PIR: variants seen among roughly 807,000 people sequenced by gnomAD.
PIR encodes pirin.
In PIR, 22 loss-of-function variants were observed where a neutral mutation model predicts 24.2. That is an observed-to-expected ratio of 0.91 (90% CI 0.65 to 1.30). PIR has a LOEUF of 1.30. Among genes scored for constraint, PIR ranks in the 50% most tolerant of loss-of-function variants. The pLI, the probability that PIR is intolerant of heterozygous loss-of-function variation, is 0.00. For missense variants in PIR, 220 were observed against 220.3 expected (o/e 1.00, Z 0.01); for synonymous variants, 80 against 79.6 (o/e 1.00, Z -0.03).
At chrX:15,387,481 T>C (rs1405993828) in intron 9 of PIR, among the ~76,000 whole-genome samples, 1 of 111,237 alleles carries the variant, frequency 9.0e-6, no homozygotes, top group Non-Finnish European at 1.9e-5. Flanking sequence ...GTTGAAACTA[T>C]GGATCTGGAG....
At chrX:15,448,740 G>A (rs1433089030) in intron 5 of PIR, among the ~76,000 whole-genome samples, 2 of 111,777 alleles carry the variant, frequency 1.8e-5, no homozygotes, top group Non-Finnish European at 3.8e-5. Context: ...TACTATCCAA[G>A]TCTTTATACA....
At chrX:15,431,687 C>T (rs1276538267) in intron 5 of PIR, among the ~76,000 whole-genome samples, 1 of 77,657 alleles carries the variant, frequency 1.3e-5, no homozygotes, top group Non-Finnish European at 2.4e-5. Context: ...CCCCCGAAAA[C>T]CTTTGGAAAA....
intron 6 of PIR, among the ~76,000 whole-genome samples, chrX:15,414,624 A>G (rs1449503261): frequency 8.9e-6 from 1 of 111,999 alleles, no homozygotes; most frequent in Non-Finnish European, 1.9e-5. Flanking sequence ...ATTAGCAGGG[A>G]AAGTCATAAA....
chrX:15,440,614 C>T (rs1185746490), intron 5 of PIR, among the ~76,000 whole-genome samples: 1 of 111,648 alleles, frequency 9.0e-6, no homozygotes, highest in Non-Finnish European at 1.9e-5. Context: ...TTCTTCCCAT[C>T]CTTGCCAGCA....
intron 3 of PIR, chrX:15,478,689 G>C (rs1000016434): frequency 1.8e-5 from 2 of 111,419 alleles, no homozygotes; most frequent in Non-Finnish European, 3.8e-5. Context: ...CACTGTGGTG[G>C]TGCCCTTTCC....
intron 6 of PIR, among the ~76,000 whole-genome samples, chrX:15,412,569 C>A (rs1017015661): frequency 8.9e-6 from 1 of 111,896 alleles, no homozygotes; most frequent in African/African-American, 3.2e-5. Flanking sequence ...TTTCTACACG[C>A]GTAAATTGCA....
At chrX:15,479,947 T>A in intron 2 of PIR, 126 bp from the exon 3 acceptor site, 1 of 347,027 alleles carries the variant, frequency 2.9e-6, no homozygotes, top group South Asian at 8.9e-5. Flanking sequence ...CTTTTTACAA[T>A]GAAAATTGCT....
intron 6 of PIR, among the ~76,000 whole-genome samples, chrX:15,424,481 T>A (rs1259968911): frequency 8.9e-6 from 1 of 111,902 alleles, no homozygotes; most frequent in Admixed American, 9.5e-5. Context: ...GATCTGGTGT[T>A]TGATAGATCA....
intron 6 of PIR, among the ~76,000 whole-genome samples, chrX:15,408,651 G>C (rs929068933): frequency 9.0e-6 from 1 of 111,562 alleles, no homozygotes; most frequent in African/African-American, 3.3e-5. Flanking sequence ...ACCTAGAAAA[G>C]GCACAGTCGA....
intron 8 of PIR, among the ~76,000 whole-genome samples, chrX:15,390,865 G>C: frequency 9.0e-6 from 1 of 111,479 alleles, no homozygotes; most frequent in East Asian, 2.8e-4. Flanking sequence ...TCCAGTGCTA[G>C]TATGGATACA....
intron 3 of PIR, among the ~76,000 whole-genome samples, chrX:15,473,386 AC>A (rs778213417): frequency 9.8e-5 from 11 of 111,867 alleles, no homozygotes; most frequent in Admixed American, 1.9e-4. Context: ...GTTAAAAAAA[AC>A]AATCTAAACA....
chrX:15,460,510 T>G (rs183123377), intron 3 of PIR, among the ~76,000 whole-genome samples: 2 of 111,400 alleles, frequency 1.8e-5, no homozygotes, highest in African/African-American at 6.5e-5. Flanking sequence ...TACTGCATGA[T>G]CTCACATAAA....
chrX:15,431,458 C>G (rs1238576453), intron 5 of PIR, among the ~76,000 whole-genome samples: 2 of 111,576 alleles, frequency 1.8e-5, no homozygotes, highest in Non-Finnish European at 3.8e-5. Context: ...CTGCTAGTCA[C>G]TGCTTTTCCT....
Position 15,417,689 on chromosome X carries a change from T to G in PIR, c.565+8217A>C, listed in dbSNP as rs145105794. Among the ~76,000 whole-genome samples the G allele has an allele frequency of 5.9e-3, 662 of 111,713 alleles. 5 individuals carry two copies. The highest frequency in any genetic ancestry group is 0.02 in the African/African-American group (620 of 30,766). On this transcript the variant is annotated intron_variant, in intron 6 of 9. Coordinates refer to ENST00000380420, the MANE Select transcript of PIR (RefSeq NM_001018109.3). ...CTTCCTGGAGGCTGTAGGGGGACATTTGTTTTCTTGCCTTTTTCAACTTCT... is the reference window on the plus strand; with the variant it reads ...CTTCCTGGAGGCTGTAGGGGGACATGTGTTTTCTTGCCTTTTTCAACTTCT...
chrX:15,398,665 GGA>G (rs1197431741), intron 7 of PIR, among the ~76,000 whole-genome samples: 58 of 36,376 alleles, frequency 1.6e-3, no homozygotes, highest in South Asian at 2.8e-3. Context: ...CCTTGAGGAG[GGA>G]GGGTGTGTGT....
intron 8 of PIR, among the ~76,000 whole-genome samples, chrX:15,393,487 A>G (rs1177456547): frequency 1.8e-5 from 2 of 111,166 alleles, no homozygotes; most frequent in African/African-American, 6.5e-5. Flanking sequence ...ACCAGTACCA[A>G]TTGGTGGTCT....
intron 5 of PIR, among the ~76,000 whole-genome samples, chrX:15,432,880 T>C (rs1925556100): frequency 8.9e-6 from 1 of 112,010 alleles, no homozygotes. Flanking sequence ...AGAAAGGTTT[T>C]TGCTGAGGGA....
chrX:15,453,387 A>G (rs1357039929), intron 5 of PIR, among the ~76,000 whole-genome samples: 4 of 112,356 alleles, frequency 3.6e-5, no homozygotes, highest in Non-Finnish European at 5.6e-5. Flanking sequence ...AAAAAGTCCT[A>G]TTTAATAGAT....
At chrX:15,484,732 G>A in intron 2 of PIR, among the ~76,000 whole-genome samples, 1 of 111,574 alleles carries the variant, frequency 9.0e-6, no homozygotes, top group East Asian at 2.8e-4. Flanking sequence ...CTGAAGGAAA[G>A]ATTACCCTTG....
Sources: gnomAD v4.1 joint callset for allele counts (sites outside exome capture counted in the v4.1 genomes callset) on GRCh38, gnomAD v4.1.1 for gene constraint, MANE v1.5 for transcripts, NCBI Gene and HGNC (gene_info 2026-07-23, HGNC 2026-07-21) for gene names.